STRN: variants seen among roughly 807,000 people sequenced by gnomAD.
STRN encodes protein phosphatase 2 regulatory subunit B'''alpha.
In STRN, 53 loss-of-function variants were observed where a neutral mutation model predicts 96.3. The observed-to-expected ratio is 0.55, with a 90% CI of 0.44 to 0.69. The LOEUF is 0.69. Ranked by LOEUF, STRN falls within the 30% of genes least tolerant of loss-of-function variation. The pLI is 0.00. For missense variants in STRN, 987 were observed against 963.9 expected (o/e 1.02, Z -0.32); for synonymous variants, 428 against 355.9 (o/e 1.20, Z -2.28).
At chr2:36,894,962 A>T (rs1402950811) in intron 6 of STRN, among the ~76,000 whole-genome samples, 1 of 152,192 alleles carries the variant, frequency 6.6e-6, no homozygotes, top group Non-Finnish European at 1.5e-5. Context: ...CCAAGAAGCC[A>T]CTACCAACAG....
intron 12 of STRN, among the ~76,000 whole-genome samples, chr2:36,863,912 G>A (rs1315101655): frequency 6.6e-6 from 1 of 152,008 alleles, no homozygotes; most frequent in East Asian, 1.9e-4. Flanking sequence ...TATCTTTTTT[G>A]TGACTACTGT....
At chr2:36,896,731 A>T (rs1669549400) in intron 6 of STRN, among the ~76,000 whole-genome samples, 1 of 152,206 alleles carries the variant, frequency 6.6e-6, no homozygotes, top group Admixed American at 6.5e-5. Context: ...TTCCTCCTAA[A>T]GTTCCTGAAT....
intron 6 of STRN, among the ~76,000 whole-genome samples, chr2:36,899,278 T>C (rs1447421931): frequency 2.0e-5 from 3 of 152,136 alleles, no homozygotes; most frequent in Non-Finnish European, 4.4e-5. Flanking sequence ...ATCTGCCCCA[T>C]AGAAAAGTTG....
At chr2:36,920,366 C>T (rs763875363) in intron 2 of STRN, among the ~76,000 whole-genome samples, 1 of 152,134 alleles carries the variant, frequency 6.6e-6, no homozygotes, top group Admixed American at 6.5e-5. Flanking sequence ...AGGCTGGGCG[C>T]GGTGGCTCAC....
At chr2:36,957,388 G>T (rs1664914594) in intron 1 of STRN, among the ~76,000 whole-genome samples, 3 of 152,168 alleles carry the variant, frequency 2.0e-5, no homozygotes, top group African/African-American at 7.2e-5. Flanking sequence ...AGGGGTTCAA[G>T]ACAAGCCTGG....
At chr2:36,897,994 A>C (rs1214581836) in intron 6 of STRN, among the ~76,000 whole-genome samples, 1 of 152,196 alleles carries the variant, frequency 6.6e-6, no homozygotes, top group Admixed American at 6.5e-5. Context: ...CGCAGCACAG[A>C]ACTGCTATGA....
At chr2:36,938,728 C>T (rs988402320) in intron 1 of STRN, among the ~76,000 whole-genome samples, 9 of 152,150 alleles carry the variant, frequency 5.9e-5, no homozygotes, top group Admixed American at 2.6e-4. Flanking sequence ...TGTCCTATCA[C>T]TGACTTTTAA....
intron 7 of STRN, among the ~76,000 whole-genome samples, chr2:36,893,479 G>A (rs1328354001): frequency 6.6e-6 from 1 of 151,952 alleles, no homozygotes; most frequent in African/African-American, 2.4e-5. Context: ...TTTACGAACT[G>A]TCAAATCTTT....
rs551081597 is a variant in STRN, at chr2:36,958,108, C to T, written c.234+8122G>A. 1.7e-3 allele frequency among the ~76,000 whole-genome samples: 264 copies of T among 151,754 alleles called. 1 individual carries two copies. Among genetic ancestry groups the T allele is most frequent in the Middle Eastern group, 0.017 (5 of 294 alleles). On this transcript the variant is annotated intron_variant, in intron 1 of 17. Coordinates refer to ENST00000263918, the MANE Select transcript of STRN (RefSeq NM_003162.4). ...CTAATTTTTATATTTTTAGTAGAGACGGGGTTTCACCATGTTGGCCAAGCT... is the reference window on the plus strand; with the variant it reads ...CTAATTTTTATATTTTTAGTAGAGATGGGGTTTCACCATGTTGGCCAAGCT...
At chr2:36,884,099 G>A in intron 8 of STRN, 24 bp from the exon 9 acceptor site, 1 of 1,316,902 alleles carries the variant, frequency 7.6e-7, no homozygotes, top group South Asian at 3.1e-5. Flanking sequence ...GGGGGGGTGG[G>A]AGGAGATAAA....
At position 36,848,050 on chromosome 2, in the gene STRN, C is replaced by T. The variant is rs1372912603; in HGVS notation, c.*1406G>A. Reference sequence around the variant, plus strand: ...CACTATAGAAATAATGTCTTTATGACAGGAGACTAGGTCTAGATAGCAGGG... The same window carrying T: ...CACTATAGAAATAATGTCTTTATGATAGGAGACTAGGTCTAGATAGCAGGG... On this transcript the variant is annotated 3_prime_UTR_variant, in exon 18 of 18. Coordinates refer to ENST00000263918, the MANE Select transcript of STRN (RefSeq NM_003162.4). 1 of 152,102 alleles carries T rather than the reference C, an allele frequency of 6.6e-6. No individual in the cohort carries two copies. 9.4% of individuals were successfully genotyped at this position (152,102 alleles called of 1,614,324 possible).
chr2:36,849,647 A>C, intron 17 of STRN, 22 bp from the exon 18 acceptor site: 1 of 1,612,190 alleles, frequency 6.2e-7, no homozygotes, highest in Non-Finnish European at 8.5e-7. Context: ...AAAAAAATTA[A>C]AAGGAAAAAT....
chr2:36,962,655 C>T (rs1665056094), intron 1 of STRN, among the ~76,000 whole-genome samples: 1 of 151,760 alleles, frequency 6.6e-6, no homozygotes, highest in South Asian at 2.1e-4. Context: ...GCCTCCAGCA[C>T]ACACCACCAT....
rs1044145596 is a variant in STRN at position 36,849,272 on chromosome 2, C to A, written c.*184G>T. On this transcript the variant is annotated 3_prime_UTR_variant, in exon 18 of 18. Coordinates refer to ENST00000263918, the MANE Select transcript of STRN (RefSeq NM_003162.4). ...CAGATTCAGCTGAGCTTGCAGCAAC[C>A]TGAACAAACCTTAGTTTTAGAAAAC... The A allele has an allele frequency of 2.9e-6, 2 of 683,792 alleles. No homozygotes were observed. Among genetic ancestry groups the A allele is most frequent in the Non-Finnish European group, 4.6e-6 (2 of 430,394 alleles). 42.4% of individuals were successfully genotyped at this position (683,792 alleles called of 1,614,324 possible).
intron 7 of STRN, among the ~76,000 whole-genome samples, 162 bp downstream of exon 7, chr2:36,893,735 TA>T (rs1380184180): frequency 6.6e-6 from 1 of 152,240 alleles, no homozygotes; most frequent in African/African-American, 2.4e-5. Context: ...CAATGTTCCT[TA>T]AACATACACA....
At chr2:36,902,156 T>C (rs1179487506) in intron 5 of STRN, among the ~76,000 whole-genome samples, 4 of 152,200 alleles carry the variant, frequency 2.6e-5, no homozygotes, top group Admixed American at 6.5e-5. Flanking sequence ...AAAATAGATA[T>C]TTTATATCAA....
rs182702589 is a variant in STRN, at chr2:36,904,445, G to C, written c.491+1095C>G. 3.3e-5 allele frequency among the ~76,000 whole-genome samples: 5 copies of C among 152,324 alleles called. No individual in the cohort carries two copies. The East Asian group carries it at 9.6e-4, about 29-fold the overall frequency. ...GTGGTATTCAAGAACCAGGCACTGAGCTGGTGAGTCTAGTCTACCTCTTGA... is the reference window on the plus strand; with the variant it reads ...GTGGTATTCAAGAACCAGGCACTGACCTGGTGAGTCTAGTCTACCTCTTGA... On this transcript the variant is annotated intron_variant, in intron 4 of 17. Transcript: ENST00000263918.
At chr2:36,909,910 C>T (rs1434637321) in intron 3 of STRN, among the ~76,000 whole-genome samples, 1 of 152,102 alleles carries the variant, frequency 6.6e-6, no homozygotes, top group Non-Finnish European at 1.5e-5. Flanking sequence ...CAGTGGCTCA[C>T]GCCTGTAATC....
At chr2:36,875,847 C>A (rs1386397863) in intron 10 of STRN, among the ~76,000 whole-genome samples, 1 of 152,108 alleles carries the variant, frequency 6.6e-6, no homozygotes, top group Admixed American at 6.5e-5. Context: ...TTAGTAGAGA[C>A]AGGGTTTCAC....
Sources: gnomAD v4.1 joint callset for allele counts (sites outside exome capture counted in the v4.1 genomes callset) on GRCh38, gnomAD v4.1.1 for gene constraint, MANE v1.5 for transcripts, NCBI Gene and HGNC (gene_info 2026-07-23, HGNC 2026-07-21) for gene names.